SMYD3: variants seen among roughly 807,000 people sequenced by gnomAD.
SMYD3 encodes the protein SET and MYND domain containing 3, also known as histone-lysine N-methyltransferase SMYD3.
SMYD3 carries 36 observed loss-of-function variants against 57.7 expected under a neutral mutation model. The ratio of observed to expected loss-of-function variants is 0.62; its 90% CI spans 0.48 to 0.82. The LOEUF (loss-of-function observed/expected upper bound fraction) is 0.82, where lower values mean the gene tolerates loss of function less well. Ranked by LOEUF, SMYD3 falls within the 40% of genes least tolerant of loss-of-function variation. The pLI is 0.00. For missense variants in SMYD3, 515 were observed against 538.8 expected (o/e 0.96, Z 0.44); for synonymous variants, 211 against 195.0 (o/e 1.08, Z -0.68).
chr1:245,884,371 T>C (rs1243469848), intron 8 of SMYD3, among the ~76,000 whole-genome samples: 2 of 152,054 alleles, frequency 1.3e-5, no homozygotes, highest in African/African-American at 4.8e-5. Context: ...GAAAAGAGAA[T>C]AAGCTCTCTC....
At chr1:246,291,814 C>G (rs1027440025) in intron 5 of SMYD3, among the ~76,000 whole-genome samples, 1 of 152,186 alleles carries the variant, frequency 6.6e-6, no homozygotes, top group Admixed American at 6.6e-5. Flanking sequence ...ATGAATTTGA[C>G]GATCACACAG....
At chr1:245,916,361 G>T (rs4333824) in intron 7 of SMYD3, among the ~76,000 whole-genome samples, 10 of 152,296 alleles carry the variant, frequency 6.6e-5, no homozygotes, top group African/African-American at 7.2e-5. Flanking sequence ...ATTAAGTCAC[G>T]GGTCTTTAGG....
chr1:245,948,025 A>C (rs2057484667), intron 5 of SMYD3, among the ~76,000 whole-genome samples: 1 of 152,100 alleles, frequency 6.6e-6, no homozygotes. Context: ...CTCAAAATCC[A>C]GTTTTAGCAA....
chr1:246,406,351 T>A (rs1353594626), intron 1 of SMYD3, among the ~76,000 whole-genome samples: 1 of 152,248 alleles, frequency 6.6e-6, no homozygotes, highest in Admixed American at 6.5e-5. Flanking sequence ...CTATTAACTA[T>A]TATTATCCTT....
intron 3 of SMYD3, 41 bp downstream of exon 3, chr1:246,335,326 T>G (rs1274166653): frequency 6.4e-7 from 1 of 1,571,964 alleles, no homozygotes; most frequent in Admixed American, 1.7e-5. Flanking sequence ...ATATGTTTAT[T>G]TAACCAAAAC....
chr1:246,094,766 T>C (rs890871117), intron 5 of SMYD3, among the ~76,000 whole-genome samples: 12 of 152,314 alleles, frequency 7.9e-5, no homozygotes, highest in Non-Finnish European at 1.8e-4. Context: ...TCACGGCTAA[T>C]GTCCCTCCAG....
intron 10 of SMYD3, among the ~76,000 whole-genome samples, chr1:245,814,724 T>C (rs750712320): frequency 6.6e-6 from 1 of 152,176 alleles, no homozygotes. Context: ...GATCTTCTAC[T>C]AGACAGAATT....
intron 5 of SMYD3, among the ~76,000 whole-genome samples, chr1:246,220,338 C>A (rs910359009): frequency 2.7e-5 from 4 of 150,890 alleles, no homozygotes; most frequent in Admixed American, 2.0e-4. Flanking sequence ...CCCAACCCAC[C>A]ATGCAGCTGC....
intron 5 of SMYD3, among the ~76,000 whole-genome samples, chr1:246,324,428 A>C (rs1197195829): frequency 6.6e-6 from 1 of 151,814 alleles, no homozygotes; most frequent in Non-Finnish European, 1.5e-5. Context: ...AAAAAAAAAA[A>C]AAAAAAAAAA....
chr1:245,881,991 G>T (rs923735304), intron 8 of SMYD3, among the ~76,000 whole-genome samples: 1 of 152,208 alleles, frequency 6.6e-6, no homozygotes, highest in Non-Finnish European at 1.5e-5. Flanking sequence ...TGCTGGTCTT[G>T]TTGGGGAAGC....
intron 5 of SMYD3, among the ~76,000 whole-genome samples, chr1:246,037,684 T>G (rs1432549243): frequency 2.6e-5 from 4 of 152,190 alleles, no homozygotes; most frequent in African/African-American, 9.7e-5. Context: ...ACAATGTCAT[T>G]CCCTTTTTGT....
In SMYD3 at chr1:245,798,089, A is replaced by AT. The variant is rs763778852; in HGVS notation, c.1077-33941dup. Among the ~76,000 whole-genome samples the AT allele has an allele frequency of 8.8e-3, 1,326 of 150,818 alleles. 5 individuals carry two copies. The highest frequency in any genetic ancestry group is 0.013 in the Non-Finnish European group (895 of 67,656). Reference sequence around the variant, plus strand: ...CTGTCTAGAAAGTAGAAACATTCTTATTTTTTTTTTTAAAATATGCAACTC... The same window carrying AT: ...CTGTCTAGAAAGTAGAAACATTCTTATTTTTTTTTTTTAAAATATGCAACTC... On this transcript the variant is annotated intron_variant, in intron 10 of 11. Transcript: ENST00000490107.
At chr1:246,496,142 T>C (rs10924749) in intron 1 of SMYD3, among the ~76,000 whole-genome samples, 6,943 of 151,942 alleles carry the variant, frequency 0.046, 509 homozygotes, top group African/African-American at 0.16. Context: ...GTTCAAGCGA[T>C]TCTCCTGCCT....
intron 1 of SMYD3, among the ~76,000 whole-genome samples, chr1:246,371,653 A>G (rs545837360): frequency 6.6e-6 from 1 of 152,356 alleles, no homozygotes; most frequent in East Asian, 1.9e-4. Context: ...CAATATTTTC[A>G]TAACATACTA....
At chr1:245,822,398 G>C (rs931806511) in intron 10 of SMYD3, among the ~76,000 whole-genome samples, 53 of 146,768 alleles carry the variant, frequency 3.6e-4, no homozygotes, top group Non-Finnish European at 2.1e-4. Context: ...GGACTGTTGT[G>C]GGGTAGGGGG....
At chr1:245,985,513 A>C (rs2058686871) in intron 5 of SMYD3, among the ~76,000 whole-genome samples, 1 of 152,108 alleles carries the variant, frequency 6.6e-6, no homozygotes, top group Non-Finnish European at 1.5e-5. Context: ...TTAAGGAAAA[A>C]CATGTCCTTA....
At chr1:245,931,583 T>C (rs914294181) in intron 5 of SMYD3, among the ~76,000 whole-genome samples, 10 of 151,866 alleles carry the variant, frequency 6.6e-5, no homozygotes, top group South Asian at 2.1e-4. Flanking sequence ...ACAAGAGGAG[T>C]TGCGCCTAGA....
chr1:245,885,599 G>A (rs549207166), intron 8 of SMYD3, among the ~76,000 whole-genome samples: 1 of 152,164 alleles, frequency 6.6e-6, no homozygotes, highest in East Asian at 1.9e-4. Flanking sequence ...CCTTTCTCCT[G>A]CAGGCTGAAG....
intron 9 of SMYD3, among the ~76,000 whole-genome samples, chr1:245,859,746 T>G (rs912283388): frequency 6.6e-6 from 1 of 152,200 alleles, no homozygotes; most frequent in African/African-American, 2.4e-5. Flanking sequence ...CTGCTTCATA[T>G]GTTGTCATTC....
Sources: gnomAD v4.1 joint callset for allele counts (sites outside exome capture counted in the v4.1 genomes callset) on GRCh38, gnomAD v4.1.1 for gene constraint, MANE v1.5 for transcripts, NCBI Gene and HGNC (gene_info 2026-07-23, HGNC 2026-07-21) for gene names.